CABIN1: variants seen among roughly 807,000 people sequenced by gnomAD.
CABIN1 encodes calcineurin-binding protein cabin-1.
CABIN1 carries 133 observed loss-of-function variants against 227.7 expected under a neutral mutation model. The ratio of observed to expected loss-of-function variants is 0.58; its 90% CI spans 0.51 to 0.67. The LOEUF (loss-of-function observed/expected upper bound fraction) is 0.67. Ranked by LOEUF, CABIN1 falls within the 30% of genes least tolerant of loss-of-function variation. The pLI, the probability that CABIN1 is intolerant of heterozygous loss-of-function variation, is 0.00. For synonymous variants in CABIN1, 1,086 were observed against 1,155.1 expected, an observed-to-expected ratio of 0.94 and a Z score of 1.21; for missense variants, 2,408 against 2,852.5, an observed-to-expected ratio of 0.84 and a Z score of 3.55.
intron 8 of CABIN1, among the ~76,000 whole-genome samples, 173 bp from the exon 9 acceptor site, chr22:24,054,700 A>G (rs1380872348): frequency 6.6e-6 from 1 of 152,162 alleles, no homozygotes; most frequent in Non-Finnish European, 1.5e-5. Flanking sequence ...TGTGTTAGAC[A>G]AGATTTCATC....
At chr22:24,095,718 G>A (rs1419879542) in intron 24 of CABIN1, among the ~76,000 whole-genome samples, 2 of 152,206 alleles carry the variant, frequency 1.3e-5, no homozygotes, top group African/African-American at 2.4e-5. Flanking sequence ...CTGCGTGAAC[G>A]TTTAAGCTGG....
Position 24,056,365 on chromosome 22 carries a change from T to C in CABIN1, c.1262+5T>C, listed in dbSNP as rs752821215. On this transcript the variant is annotated splice_donor_5th_base_variant and intron_variant, in intron 10 of 36. Transcript: ENST00000263119. The stretch of plus-strand genomic sequence containing the variant: ...GATGAAGTTCTTGCCGTCCAGGTAC[T>C]GTGTATTTTTTCTGATTGTCAGAAA... 1.9e-6 allele frequency: 3 copies of C among 1,613,722 alleles called. No homozygotes were observed. The highest frequency in any genetic ancestry group is 2.7e-5 in the African/African-American group (2 of 74,926).
rs545383314 is a variant in CABIN1, at chr22:24,164,679, T to C, written c.4910+116T>C. The C allele has an allele frequency of 1.5e-5, 18 of 1,207,644 alleles. No homozygotes were observed. In the Admixed American group the frequency reaches 2.6e-4, roughly 17 times the overall value. The allele number at this position is 1,207,644 out of a possible 1,614,324, so 74.8% of individuals were successfully genotyped here. A position where few individuals can be genotyped will look rare whatever the true frequency, so the allele number is the denominator to read the frequency against. On this transcript the variant is annotated intron_variant, in intron 30 of 36. Coordinates refer to ENST00000263119, the MANE Select transcript of CABIN1 (RefSeq NM_012295.4). ...CTGTGAGGACCACTGGCTGGGAGCC[T>C]GGACCAGCTCTTCATTCTCCTTGGG... is the stretch of plus-strand genomic sequence containing the variant.
At chr22:24,063,711 T>C (rs1005635791) in intron 14 of CABIN1, among the ~76,000 whole-genome samples, 5 of 152,152 alleles carry the variant, frequency 3.3e-5, no homozygotes, top group Admixed American at 3.3e-4. Flanking sequence ...GCAACACTGT[T>C]TGATGTGAAG....
rs1424500401 is a variant in CABIN1 at position 24,083,217 on chromosome 22, G to T, written c.2749-11G>T. 6.2e-7 allele frequency: 1 copy of T among 1,611,998 alleles called. No homozygotes were observed. The highest frequency in any genetic ancestry group is 8.5e-7 in the Non-Finnish European group (1 of 1,179,908). On this transcript the variant is annotated splice_polypyrimidine_tract_variant and intron_variant, in intron 19 of 36. Transcript: ENST00000263119. ...GCCCTCACCTCAGGCCATCTCTTCTGCCCACCACAGGTGCGAGTACTCCAG... is the reference window on the plus strand; with the variant it reads ...GCCCTCACCTCAGGCCATCTCTTCTTCCCACCACAGGTGCGAGTACTCCAG...
At chr22:24,031,845 G>A (rs1366439908) in intron 1 of CABIN1, among the ~76,000 whole-genome samples, 1 of 152,132 alleles carries the variant, frequency 6.6e-6, no homozygotes, top group Non-Finnish European at 1.5e-5. Context: ...ATGGGCTGTC[G>A]GCCTGCCTTG....
At position 24,087,668 on chromosome 22, in the gene CABIN1, A is replaced by G. The variant is rs140886220; in HGVS notation, c.3480A>G (p.Gln1160=). 197 of 1,614,188 alleles carry G rather than the reference A, an allele frequency of 1.2e-4. No homozygotes were observed. The highest frequency in any genetic ancestry group is 3.6e-4 in the African/African-American group (27 of 75,064). The stretch of plus-strand genomic sequence containing the variant: ...CCTTGCACTCATTCGCCTCACGTCA[A>G]TTGAAGCAGTGGAGAGGCGAGCTGC... ...SYALHSFASR[Q]LKQWRGELPP... Residue 1160 remains glutamine, a synonymous_variant, in exon 23 of 37, where the codon CAA becomes CAG. Transcript: ENST00000263119.
intron 18 of CABIN1, 62 bp downstream of exon 18, chr22:24,072,572 C>T: frequency 6.3e-7 from 1 of 1,596,554 alleles, no homozygotes; most frequent in Non-Finnish European, 8.6e-7. Context: ...CCCCTGTCCT[C>T]TGCCCTAGGG....
Position 24,177,391 on chromosome 22 carries a change from C to A in CABIN1, c.6206-113C>A. 1.0e-6 allele frequency: 1 copy of A among 979,176 alleles called. No homozygotes were observed. Among genetic ancestry groups the A allele is most frequent in the Non-Finnish European group, 1.5e-6 (1 of 667,786 alleles). The allele number at this position is 979,176 out of a possible 1,614,324, so 60.7% of individuals were successfully genotyped here. ...AAGCCTTGGAGCCTGCCAGCCAGCA[C>A]AAACTACACAGCATAAAGGCCCAGG... On this transcript the variant is annotated intron_variant, in intron 35 of 36. Coordinates refer to ENST00000263119, the MANE Select transcript of CABIN1 (RefSeq NM_012295.4). The surrounding 1 kb of genome is among the most constrained non-coding windows in gnomAD (Gnocchi z 4.4).
At chr22:24,059,902 G>A in intron 11 of CABIN1, 22 bp from the exon 12 acceptor site, 3 of 1,609,458 alleles carry the variant, frequency 1.9e-6, no homozygotes, top group Non-Finnish European at 1.7e-6. Context: ...TTCAAGTCAG[G>A]TTGTTCTTGC....
intron 29 of CABIN1, among the ~76,000 whole-genome samples, chr22:24,154,647 C>G (rs1203392438): frequency 6.6e-6 from 1 of 152,204 alleles, no homozygotes; most frequent in Non-Finnish European, 1.5e-5. Flanking sequence ...GCAGCAAGTC[C>G]AGTGCCTGGC....
chr22:24,152,459 G>A (rs1029611251), intron 29 of CABIN1, among the ~76,000 whole-genome samples: 4 of 152,164 alleles, frequency 2.6e-5, no homozygotes, highest in Non-Finnish European at 5.9e-5. Flanking sequence ...ACTCGGAACT[G>A]TAAGGCTCAG....
In CABIN1 at chr22:24,070,956, G is replaced by A; in HGVS notation, c.2389G>A (p.Ala797Thr). The A allele has an allele frequency of 2.5e-6, 4 of 1,614,184 alleles. No individual in the cohort carries two copies. Among genetic ancestry groups the A allele is most frequent in the Non-Finnish European group, 3.4e-6 (4 of 1,180,032 alleles). Residue 797 changes from alanine (A) to threonine (T), a missense_variant, in exon 17 of 37, where the codon GCC (alanine) becomes ACC (threonine). Transcript: ENST00000263119. ...VTQLLMGIEQ[A>T]LSADSSGSIL... ...CCAACTGCTGATGGGCATCGAGCAG[G>A]CCCTCTCTGCGGACAGCAGTGGTAG... is the stretch of plus-strand genomic sequence containing the variant.
chr22:24,109,673 C>A (rs775535485), intron 26 of CABIN1, among the ~76,000 whole-genome samples: 1 of 152,092 alleles, frequency 6.6e-6, no homozygotes, highest in Non-Finnish European at 1.5e-5. Context: ...CTGCCTTTCT[C>A]CTTGTGTTCC....
intron 16 of CABIN1, among the ~76,000 whole-genome samples, chr22:24,070,270 A>G (rs757171464): frequency 6.6e-6 from 1 of 152,200 alleles, no homozygotes; most frequent in Non-Finnish European, 1.5e-5. Flanking sequence ...TGGCTTACAC[A>G]TTGGCCCCAT....
chr22:24,174,991 G>A (rs1280618706), intron 34 of CABIN1, among the ~76,000 whole-genome samples: 3 of 152,214 alleles, frequency 2.0e-5, no homozygotes, highest in African/African-American at 7.2e-5. Context: ...CTGCCTGCCT[G>A]TCCCACCATC....
intron 35 of CABIN1, 23 bp downstream of exon 35, chr22:24,176,298 C>T (rs368571546): frequency 6.3e-7 from 1 of 1,582,686 alleles, no homozygotes; most frequent in Non-Finnish European, 8.6e-7. Context: ...GGGAGCAGCC[C>T]AGCACCAGCC....
chr22:24,046,399 A>G lies in CABIN1; in HGVS notation c.527-2692A>G, dbSNP rs565039549. On this transcript the variant is annotated intron_variant, in intron 6 of 36. Transcript: ENST00000263119. ...CCCCTCATTTCACTCCCACCAGCAG[A>G]ATATGATAGTTGTACAGGGCTGTGT... Among the ~76,000 whole-genome samples the G allele has an allele frequency of 2.0e-5, 3 of 152,244 alleles. No individual in the cohort carries two copies. In the East Asian group the frequency reaches 5.8e-4, roughly 29 times the overall value.
At chr22:24,040,494 T>C (rs2037284081) in intron 4 of CABIN1, among the ~76,000 whole-genome samples, 1 of 152,232 alleles carries the variant, frequency 6.6e-6, no homozygotes, top group Admixed American at 6.5e-5. Flanking sequence ...AGTTTTCTAA[T>C]CAGCAGTTTC....
Sources: allele counts gnomAD v4.1 joint callset (sites outside exome capture counted in the v4.1 genomes callset), GRCh38; gene constraint gnomAD v4.1.1; non-coding constraint Gnocchi (gnomAD v3.1); transcripts MANE v1.5; gene names NCBI Gene and HGNC (gene_info 2026-07-23, HGNC 2026-07-21).